The following OGDH variants were observed in gnomAD, a reference collection of about 807,000 sequenced individuals.
OGDH encodes oxoglutarate dehydrogenase.
OGDH carries 38 observed loss-of-function variants against 116.6 expected under a neutral mutation model. The observed-to-expected ratio is 0.33, with a 90% CI of 0.25 to 0.43. The LOEUF is 0.43. Ranked by LOEUF, OGDH falls within the 20% of genes least tolerant of loss-of-function variation. The probability of loss-of-function intolerance (pLI) is 1.00; values close to 1 mark genes in which losing one functional copy is unlikely to be tolerated. For missense variants in OGDH, 825 were observed against 1,357.2 expected, an observed-to-expected ratio of 0.61 and a Z score of 6.16; for synonymous variants, 488 against 533.3, an observed-to-expected ratio of 0.92 and a Z score of 1.17.
chr7:44,608,376 C>G (rs959529398), intron 1 of OGDH, among the ~76,000 whole-genome samples: 1 of 151,224 alleles, frequency 6.6e-6, no homozygotes, highest in African/African-American at 2.4e-5. Context: ...CCACTGCACT[C>G]TAGCCTGGGT....
chr7:44,699,848 G>T (rs537707563), intron 18 of OGDH, among the ~76,000 whole-genome samples: 25 of 152,154 alleles, frequency 1.6e-4, no homozygotes, highest in African/African-American at 6.0e-4. Context: ...GGGAGAGCAG[G>T]CATGTCACAT....
chr7:44,667,862 C>T (rs1264791729), intron 5 of OGDH, among the ~76,000 whole-genome samples: 3 of 152,106 alleles, frequency 2.0e-5, no homozygotes, highest in Non-Finnish European at 4.4e-5. Context: ...GTATATATAT[C>T]AGCTGGGGTC....
intron 9 of OGDH, among the ~76,000 whole-genome samples, chr7:44,681,202 G>A (rs1022822644): frequency 1.8e-4 from 27 of 152,234 alleles, no homozygotes; most frequent in Non-Finnish European, 3.5e-4. Context: ...AAACAATGGT[G>A]AGTGAAAGGG....
intron 1 of OGDH, among the ~76,000 whole-genome samples, chr7:44,619,857 T>G (rs1416654100): frequency 6.6e-6 from 1 of 152,194 alleles, no homozygotes; most frequent in African/African-American, 2.4e-5. Flanking sequence ...GACAAATATC[T>G]ATTCAAATCC....
intron 3 of OGDH, among the ~76,000 whole-genome samples, chr7:44,646,834 G>A (rs992320613): frequency 2.0e-5 from 3 of 152,136 alleles, no homozygotes; most frequent in East Asian, 1.9e-4. Context: ...CACTCCTCAC[G>A]GGGATATATA....
rs772654315 is a variant in OGDH at position 44,698,272 on chromosome 7, T to TA, written c.2430+10dup. 14 of 1,613,144 alleles carry TA rather than the reference T, an allele frequency of 8.7e-6. No individual in the cohort carries two copies. In the African/African-American group the frequency reaches 1.6e-4, roughly 18 times the overall value. ...ACCCAGATGTCCTGCCAGTGAGTAA[T>TA]ACAGGCCCTGTCAGCCCAGCCATTC... On this transcript the variant is annotated intron_variant, in intron 18 of 22. Transcript: ENST00000222673.
chr7:44,661,146 C>T (rs1021477926), intron 4 of OGDH, among the ~76,000 whole-genome samples: 4 of 152,198 alleles, frequency 2.6e-5, no homozygotes, highest in African/African-American at 9.7e-5. Context: ...TTGGTGTATA[C>T]ACATTTCAGA....
chr7:44,707,844 C>T lies in OGDH; in HGVS notation c.2952-35C>T. 5 of 1,609,438 alleles carry T rather than the reference C, an allele frequency of 3.1e-6. No homozygotes were observed. Among genetic ancestry groups the T allele is most frequent in the Middle Eastern group, 1.7e-4 (1 of 6,032 alleles). On this transcript the variant is annotated intron_variant, in intron 22 of 22. Transcript: ENST00000222673. This position sits in a 1 kb window ranked among gnomAD's most constrained non-coding sequence, Gnocchi z 5.2. ...GGATGGGCTGGGCCAACTCAGTGTCCCCTGCCCTCACTGCCCCCTCCCTCC... is the reference window on the plus strand; with the variant it reads ...GGATGGGCTGGGCCAACTCAGTGTCTCCTGCCCTCACTGCCCCCTCCCTCC...
chr7:44,629,227 G>A (rs2117322387), intron 2 of OGDH, among the ~76,000 whole-genome samples: 1 of 151,278 alleles, frequency 6.6e-6, no homozygotes, highest in East Asian at 1.9e-4. Flanking sequence ...TGTTTTGTAG[G>A]GACAGGTGCC....
At chr7:44,705,137 C>T (rs1312459804) in intron 20 of OGDH, among the ~76,000 whole-genome samples, 2 of 137,764 alleles carry the variant, frequency 1.5e-5, no homozygotes, top group African/African-American at 6.0e-5. Context: ...ACTGCAAGCT[C>T]CACCTCCCGG....
chr7:44,705,046 A>ATTTTTTTTTTTTTTTTTTT (rs1585406047), intron 20 of OGDH, among the ~76,000 whole-genome samples: 2 of 87,680 alleles, frequency 2.3e-5, no homozygotes, highest in African/African-American at 1.2e-4. Flanking sequence ...AAAGTTTTTA[A>ATTTTTTTTTTTTTTTTTTT]TTTTCTTTTT....
At chr7:44,696,350 CA>C in intron 13 of OGDH, 78 bp from the exon 14 acceptor site, 1 of 1,544,824 alleles carries the variant, frequency 6.5e-7, no homozygotes, top group Non-Finnish European at 8.8e-7. Flanking sequence ...TGCTTCTCCC[CA>C]AAATCACGTG....
At chr7:44,636,412 T>C (rs998153936) in intron 2 of OGDH, among the ~76,000 whole-genome samples, 6 of 152,208 alleles carry the variant, frequency 3.9e-5, no homozygotes, top group Admixed American at 3.9e-4. Flanking sequence ...GCTGCCGATA[T>C]GTGGGAACAG....
rs1289753291 is a variant in OGDH, at chr7:44,708,108, G to A, written c.*109G>A. 7.1e-6 allele frequency: 10 copies of A among 1,416,326 alleles called. No individual in the cohort carries two copies. Among genetic ancestry groups the A allele is most frequent in the African/African-American group, 1.4e-5 (1 of 70,430 alleles). The allele number at this position is 1,416,326 out of a possible 1,614,324, so 87.7% of individuals were successfully genotyped here. A position where few individuals can be genotyped will look rare whatever the true frequency, so the allele number is the denominator to read the frequency against. On this transcript the variant is annotated 3_prime_UTR_variant, in exon 23 of 23. Transcript: ENST00000222673. ...CGCTGCCCACACCACCGCCCTCCTC[G>A]CTGTGCCACCACCCCTCCCTCTGCT...
chr7:44,617,127 T>TCTAC (rs1224908144), intron 1 of OGDH, among the ~76,000 whole-genome samples: 3 of 151,216 alleles, frequency 2.0e-5, no homozygotes, highest in Non-Finnish European at 4.4e-5. Context: ...GAGGCGGGGT[T>TCTAC]TCAGCATGTT....
intron 1 of OGDH, among the ~76,000 whole-genome samples, chr7:44,612,816 C>T (rs1045124352): frequency 5.9e-5 from 9 of 152,320 alleles, no homozygotes; most frequent in Admixed American, 5.9e-4. Flanking sequence ...CTACTTCAGC[C>T]TCCTGAGTAG....
At position 44,708,077 on chromosome 7, in the gene OGDH, C is replaced by T; in HGVS notation, c.*78C>T. On this transcript the variant is annotated 3_prime_UTR_variant, in exon 23 of 23. Transcript: ENST00000222673. The stretch of plus-strand genomic sequence containing the variant: ...CTTGCTTCTCAACTAAAGAATAGTG[C>T]CTCAGCGCTGCCCACACCACCGCCC... 1 of 1,544,400 alleles carries T rather than the reference C, an allele frequency of 6.5e-7. No individual in the cohort carries two copies. The highest frequency in any genetic ancestry group is 1.8e-5 in the Admixed American group (1 of 54,332).
rs557161554 is a variant in OGDH, at chr7:44,708,599, C to G, written c.*600C>G. On this transcript the variant is annotated 3_prime_UTR_variant, in exon 23 of 23. Transcript: ENST00000222673. ...CTTCAGTCTCTGCAGTGTCCATTAT[C>G]TGCTGTTCCTTCGAGGGTTCCAGGC... 1 of 152,534 alleles carries G rather than the reference C, an allele frequency of 6.6e-6. No homozygotes were observed. The highest frequency in any genetic ancestry group is 2.4e-5 in the African/African-American group (1 of 41,588). 9.4% of individuals were successfully genotyped at this position (152,534 alleles called of 1,614,324 possible).
chr7:44,706,967 C>A (rs1789107463), intron 20 of OGDH, among the ~76,000 whole-genome samples: 1 of 152,198 alleles, frequency 6.6e-6, no homozygotes, highest in African/African-American at 2.4e-5. Flanking sequence ...CTGAGCCAAG[C>A]TGTTTTGAAG....
Sources: gnomAD v4.1 joint callset for allele counts (sites outside exome capture counted in the v4.1 genomes callset) on GRCh38, gnomAD v4.1.1 for gene constraint, Gnocchi (gnomAD v3.1) non-coding constraint, MANE v1.5 for transcripts, NCBI Gene and HGNC (gene_info 2026-07-23, HGNC 2026-07-21) for gene names.